The following MAST1 variants were observed in gnomAD, a reference collection of about 807,000 sequenced individuals.
MAST1 encodes microtubule associated serine/threonine kinase 1.
In MAST1, 40 loss-of-function variants were observed where a neutral mutation model predicts 124.6. That is an observed-to-expected ratio of 0.32 (90% CI 0.25 to 0.42). The LOEUF (loss-of-function observed/expected upper bound fraction) is 0.42, where lower values mean the gene tolerates loss of function less well. Ranked by LOEUF, MAST1 falls within the 10% of genes least tolerant of loss-of-function variation. The probability of loss-of-function intolerance (pLI) is 1.00; values close to 1 mark genes in which losing one functional copy is unlikely to be tolerated. For synonymous variants in MAST1, 938 were observed against 939.4 expected (o/e 1.00, Z 0.03); for missense variants, 1,558 against 2,181.9 (o/e 0.71, Z 5.70).
chr19:12,842,440 C>T (rs1969842284), intron 3 of MAST1, among the ~76,000 whole-genome samples: 1 of 152,066 alleles, frequency 6.6e-6, no homozygotes, highest in Non-Finnish European at 1.5e-5. Flanking sequence ...TTACAGGCGC[C>T]TGCCACCACG....
chr19:12,840,595 G>A (rs1307377184), intron 2 of MAST1, 61 bp downstream of exon 2: 1 of 1,248,556 alleles, frequency 8.0e-7, no homozygotes, highest in Non-Finnish European at 1.2e-6. Context: ...GGGGCCTCAG[G>A]CGAGGAAGCG....
Position 12,865,189 on chromosome 19 carries a change from G to A in MAST1, c.1638+11G>A, listed in dbSNP as rs773775861. On this transcript the variant is annotated intron_variant, in intron 14 of 25. Transcript: ENST00000251472. This position sits in a 1 kb window ranked among gnomAD's most constrained non-coding sequence, Gnocchi z 7.1. The stretch of plus-strand genomic sequence containing the variant: ...TTCCTGGACAAACAGGTGTGTGTGC[G>A]GGCATGGGGGTCGCTGAGGGTGGAG... 7.4e-6 allele frequency: 12 copies of A among 1,612,776 alleles called. No homozygotes were observed. Among genetic ancestry groups the A allele is most frequent in the East Asian group, 4.5e-5 (2 of 44,886 alleles).
At chr19:12,870,286 G>A (rs1033902743) in intron 22 of MAST1, among the ~76,000 whole-genome samples, 1 of 151,250 alleles carries the variant, frequency 6.6e-6, no homozygotes, top group African/African-American at 2.4e-5. Flanking sequence ...TTAGGAGTTT[G>A]AGATCAGCCT....
intron 2 of MAST1, 77 bp downstream of exon 2, chr19:12,840,611 A>T (rs1408995998): frequency 9.2e-7 from 1 of 1,088,844 alleles, no homozygotes; most frequent in Non-Finnish European, 1.4e-6. Flanking sequence ...AAGCGTGGTC[A>T]TGCTACAGAA....
rs777457003 is a variant in MAST1, at chr19:12,858,515, C to A, written c.1158-16C>A. The A allele has an allele frequency of 4.3e-6, 7 of 1,613,060 alleles. No individual in the cohort carries two copies. In the South Asian group the frequency reaches 7.7e-5, roughly 18 times the overall value. On this transcript the variant is annotated splice_polypyrimidine_tract_variant and intron_variant, in intron 11 of 25. Transcript: ENST00000251472. ...TCTCGGAGGTGACGGCCGGTCCTCGCTCTCTCCCCCTGCAGCGCTGTCTAC... is the reference window on the plus strand; with the variant it reads ...TCTCGGAGGTGACGGCCGGTCCTCGATCTCTCCCCCTGCAGCGCTGTCTAC...
chr19:12,851,201 G>C (rs950334204), intron 7 of MAST1, among the ~76,000 whole-genome samples: 1 of 151,564 alleles, frequency 6.6e-6, no homozygotes, highest in African/African-American at 2.4e-5. Flanking sequence ...ACCCTCCTCT[G>C]CCTCCCAAAA....
At chr19:12,842,260 T>TAGTAAA (rs1969839233) in intron 3 of MAST1, among the ~76,000 whole-genome samples, 1 of 151,702 alleles carries the variant, frequency 6.6e-6, no homozygotes, top group African/African-American at 2.4e-5. Flanking sequence ...AAACACAGAG[T>TAGTAAA]CACAGTGTTT....
chr19:12,839,764 C>T (rs537948563), intron 1 of MAST1, among the ~76,000 whole-genome samples: 1 of 152,206 alleles, frequency 6.6e-6, no homozygotes, highest in South Asian at 2.1e-4. Context: ...GCATCCTGGC[C>T]AGGCATGGTG....
rs763820288 is a variant in MAST1, at chr19:12,866,780, G to A, written c.2139+18G>A. 1 of 1,599,396 alleles carries A rather than the reference G, an allele frequency of 6.3e-7. No individual in the cohort carries two copies. The highest frequency in any genetic ancestry group is 8.6e-7 in the Non-Finnish European group (1 of 1,169,052). On this transcript the variant is annotated intron_variant, in intron 18 of 25. Coordinates refer to ENST00000251472, the MANE Select transcript of MAST1 (RefSeq NM_014975.3). This position sits in a 1 kb window ranked among gnomAD's most constrained non-coding sequence, Gnocchi z 5.2. ...TCAGCAAGGTGGGCCAAGTCTGGGTGTGGGACAGGGCGAGACCCCAGGAGG... is the reference window on the plus strand; with the variant it reads ...TCAGCAAGGTGGGCCAAGTCTGGGTATGGGACAGGGCGAGACCCCAGGAGG...
At position 12,854,212 on chromosome 19, in the gene MAST1, C is replaced by T. The variant is rs955133805; in HGVS notation, c.1077+1817C>T. Among the ~76,000 whole-genome samples the T allele has an allele frequency of 4.6e-5, 7 of 151,800 alleles. No individual in the cohort carries two copies. The South Asian group carries it at 1.3e-3, about 27-fold the overall frequency. On this transcript the variant is annotated intron_variant, in intron 10 of 25. Coordinates refer to ENST00000251472, the MANE Select transcript of MAST1 (RefSeq NM_014975.3). ...GATCTCGGCTCACTGCAACCTCCGCCTCCCAGGTTCAAGCAATTCTCCTCC... is the reference window on the plus strand; with the variant it reads ...GATCTCGGCTCACTGCAACCTCCGCTTCCCAGGTTCAAGCAATTCTCCTCC...
chr19:12,844,790 C>T (rs1033622676), intron 4 of MAST1, among the ~76,000 whole-genome samples: 2 of 152,132 alleles, frequency 1.3e-5, no homozygotes, highest in Non-Finnish European at 2.9e-5. Flanking sequence ...AGGCTGGAAC[C>T]TTGTCAGCCA....
intron 4 of MAST1, among the ~76,000 whole-genome samples, chr19:12,846,691 A>G (rs1192732319): frequency 6.6e-6 from 1 of 151,948 alleles, no homozygotes; most frequent in African/African-American, 2.4e-5. Flanking sequence ...AGCCTGGCCA[A>G]CATGGTAAAA....
chr19:12,853,529 C>G (rs1969987276), intron 10 of MAST1, among the ~76,000 whole-genome samples: 1 of 151,874 alleles, frequency 6.6e-6, no homozygotes, highest in Non-Finnish European at 1.5e-5. Flanking sequence ...GCACTCCAGC[C>G]TGGGCAACAG....
chr19:12,866,405 T>C lies in MAST1; in HGVS notation c.2030-248T>C, dbSNP rs1241295400. 2.6e-5 allele frequency among the ~76,000 whole-genome samples: 4 copies of C among 151,808 alleles called. No individual in the cohort carries two copies. The highest frequency in any genetic ancestry group is 9.7e-5 in the African/African-American group (4 of 41,268). ...TACTAGCGCTCAGAATGGCCTGGGG[T>C]GATGCCAGGGTGCAGAGCACTGTAG... On this transcript the variant is annotated intron_variant, in intron 17 of 25. Coordinates refer to ENST00000251472, the MANE Select transcript of MAST1 (RefSeq NM_014975.3). The surrounding 1 kb of genome is among the most constrained non-coding windows in gnomAD (Gnocchi z 5.2).
chr19:12,861,330 C>T (rs1464839220), intron 12 of MAST1, among the ~76,000 whole-genome samples: 2 of 152,096 alleles, frequency 1.3e-5, no homozygotes, highest in African/African-American at 2.4e-5. Flanking sequence ...TCCCAAAGTG[C>T]TGGGATTACA....
chr19:12,855,937 T>A (rs1231989515), intron 10 of MAST1, among the ~76,000 whole-genome samples: 2 of 140,782 alleles, frequency 1.4e-5, no homozygotes, highest in Admixed American at 1.5e-4. Flanking sequence ...TGTAATTCTG[T>A]CAATTTTTTT....
chr19:12,854,875 G>A (rs1426496548), intron 10 of MAST1, among the ~76,000 whole-genome samples: 1 of 152,166 alleles, frequency 6.6e-6, no homozygotes, highest in Non-Finnish European at 1.5e-5. Flanking sequence ...TGTTCCAGAT[G>A]TCTAGTGGAG....
chr19:12,868,273 T>A (rs1970187543), intron 20 of MAST1, among the ~76,000 whole-genome samples: 1 of 151,644 alleles, frequency 6.6e-6, no homozygotes, highest in Non-Finnish European at 1.5e-5. Context: ...TACCCCCGGC[T>A]AATTTTTGTA....
In MAST1 at chr19:12,841,718, A is replaced by G. The variant is rs1969831956; in HGVS notation, c.248+652A>G. Reference sequence around the variant, plus strand: ...TCTTAGGAGCTGGGCGTATGGGGTCAATGACGTCCTGTCTCTACCCTCTGA... The same window carrying G: ...TCTTAGGAGCTGGGCGTATGGGGTCGATGACGTCCTGTCTCTACCCTCTGA... On this transcript the variant is annotated intron_variant, in intron 3 of 25. Coordinates refer to ENST00000251472, the MANE Select transcript of MAST1 (RefSeq NM_014975.3). This position sits in a 1 kb window ranked among gnomAD's most constrained non-coding sequence, Gnocchi z 4.3. Among the ~76,000 whole-genome samples the G allele has an allele frequency of 6.6e-6, 1 of 152,194 alleles. No homozygotes were observed. The highest frequency in any genetic ancestry group is 2.4e-5 in the African/African-American group (1 of 41,436).
Sources: gnomAD v4.1 joint callset for allele counts (sites outside exome capture counted in the v4.1 genomes callset) on GRCh38, gnomAD v4.1.1 for gene constraint, Gnocchi (gnomAD v3.1) non-coding constraint, MANE v1.5 for transcripts, NCBI Gene and HGNC (gene_info 2026-07-23, HGNC 2026-07-21) for gene names.